KCNH1: variants seen among roughly 807,000 people sequenced by gnomAD.
The protein encoded by KCNH1 is potassium voltage-gated channel subfamily H member 1, also known as voltage-gated delayed rectifier potassium channel KCNH1.
KCNH1 carries 27 observed loss-of-function variants against 69.2 expected under a neutral mutation model. That is an observed-to-expected ratio of 0.39 (90% CI 0.29 to 0.54). KCNH1 has a LOEUF of 0.54. Ranked by LOEUF, KCNH1 falls within the 20% of genes least tolerant of loss-of-function variation. The pLI, the probability that KCNH1 is intolerant of heterozygous loss-of-function variation, is 0.68. For synonymous variants in KCNH1, 456 were observed against 487.7 expected (o/e 0.93, Z 0.86); for missense variants, 798 against 1,261.6 (o/e 0.63, Z 5.57).
chr1:210,876,751 T>C (rs919877926), intron 7 of KCNH1, among the ~76,000 whole-genome samples: 1 of 152,004 alleles, frequency 6.6e-6, no homozygotes, highest in Admixed American at 6.5e-5. Flanking sequence ...AAGCGATGAG[T>C]AGCACAAAGC....
chr1:210,988,683 G>C (rs1688888571), intron 6 of KCNH1, among the ~76,000 whole-genome samples: 1 of 152,212 alleles, frequency 6.6e-6, no homozygotes, highest in East Asian at 1.9e-4. Flanking sequence ...TGGATTATGT[G>C]AGAACAGAAG....
intron 10 of KCNH1, among the ~76,000 whole-genome samples, chr1:210,754,890 A>G (rs1362033392): frequency 6.6e-6 from 1 of 152,050 alleles, no homozygotes; most frequent in East Asian, 1.9e-4. Flanking sequence ...AGACACATAC[A>G]AAGACACACA....
chr1:210,933,651 A>G (rs1687724132), intron 6 of KCNH1, among the ~76,000 whole-genome samples: 1 of 152,148 alleles, frequency 6.6e-6, no homozygotes, highest in Admixed American at 6.5e-5. Context: ...TAAACCAACT[A>G]GGAAAAAGAG....
At chr1:210,933,280 A>G (rs1002474043) in intron 6 of KCNH1, among the ~76,000 whole-genome samples, 1 of 151,658 alleles carries the variant, frequency 6.6e-6, no homozygotes, top group Non-Finnish European at 1.5e-5. Flanking sequence ...ACCAAACACC[A>G]CATATTCTCA....
chr1:210,980,566 C>G (rs765873668), intron 6 of KCNH1, among the ~76,000 whole-genome samples: 1 of 152,144 alleles, frequency 6.6e-6, no homozygotes, highest in Non-Finnish European at 1.5e-5. Context: ...ATAGAAATAG[C>G]ATATGCAAAT....
At position 210,940,796 on chromosome 1, in the gene KCNH1, T is replaced by G. The variant is rs1391457267; in HGVS notation, c.1033-20727A>C. On this transcript the variant is annotated intron_variant, in intron 6 of 10. Coordinates refer to ENST00000271751, the MANE Select transcript of KCNH1 (RefSeq NM_172362.3). Reference sequence around the variant, plus strand: ...ATCTCCATCTTCTCAGAATACAAATTTCAGGTTTTCTTCTCCCAAGGAAAT... The same window carrying G: ...ATCTCCATCTTCTCAGAATACAAATGTCAGGTTTTCTTCTCCCAAGGAAAT... 2.6e-5 allele frequency among the ~76,000 whole-genome samples: 4 copies of G among 152,328 alleles called. No individual in the cohort carries two copies. In the East Asian group the frequency reaches 7.7e-4, roughly 29 times the overall value.
At chr1:211,023,455 T>C (rs1254059801) in intron 5 of KCNH1, among the ~76,000 whole-genome samples, 1 of 151,446 alleles carries the variant, frequency 6.6e-6, no homozygotes, top group African/African-American at 2.4e-5. Flanking sequence ...ATGTACCCAA[T>C]AGAATATTAT....
intron 10 of KCNH1, among the ~76,000 whole-genome samples, chr1:210,699,605 G>C (rs1448609540): frequency 6.6e-6 from 1 of 152,192 alleles, no homozygotes; most frequent in Admixed American, 6.5e-5. Flanking sequence ...GAGCTTCACT[G>C]CCCACCACTG....
At chr1:210,963,045 A>C (rs1197640177) in intron 6 of KCNH1, among the ~76,000 whole-genome samples, 1 of 151,556 alleles carries the variant, frequency 6.6e-6, no homozygotes, top group Non-Finnish European at 1.5e-5. Context: ...ACTTTTCTTT[A>C]AAAAAGTATT....
At chr1:211,044,472 A>G (rs59037162) in intron 5 of KCNH1, among the ~76,000 whole-genome samples, 14,257 of 152,224 alleles carry the variant, frequency 0.094, 870 homozygotes, top group African/African-American at 0.17. Context: ...GAGTAAACAG[A>G]CAACCCACAG....
chr1:210,761,376 C>T (rs1332470733), intron 10 of KCNH1, among the ~76,000 whole-genome samples: 2 of 147,460 alleles, frequency 1.4e-5, no homozygotes, highest in Non-Finnish European at 3.0e-5. Context: ...ACAACAGGAA[C>T]AAAATCTCAC....
At chr1:211,047,343 G>A (rs1433634430) in intron 5 of KCNH1, among the ~76,000 whole-genome samples, 1 of 152,190 alleles carries the variant, frequency 6.6e-6, no homozygotes, top group Non-Finnish European at 1.5e-5. Flanking sequence ...ACAAAATAAT[G>A]AAGTAAAAAA....
rs756365509 is a variant in KCNH1, at chr1:210,797,689, C to A, written c.1734G>T (p.Glu578Asp). 1.2e-6 allele frequency: 2 copies of A among 1,614,256 alleles called. No individual in the cohort carries two copies. Among genetic ancestry groups the A allele is most frequent in the Non-Finnish European group, 1.7e-6 (2 of 1,180,046 alleles). ...CVHLNRKVFK[E>D]HPAFRLASDG... is the part of the protein sequence containing the mutation. ...CACTGGCCAGCCGGAAGGCCGGGTG[C>A]TCCTTGAACACCTTGCGGTTCAGGT... Residue 578 changes from glutamate (E) to aspartate (D), a missense_variant, in exon 9 of 11, where the codon GAG becomes GAT. Physicochemically the swap from Glu to Asp is conservative, Grantham distance 45. Transcript: ENST00000271751.
At chr1:210,894,163 G>A (rs557134665) in intron 7 of KCNH1, among the ~76,000 whole-genome samples, 4 of 152,124 alleles carry the variant, frequency 2.6e-5, no homozygotes, top group African/African-American at 9.6e-5. Flanking sequence ...GGACTTTTGG[G>A]GTACTGGATA....
intron 10 of KCNH1, among the ~76,000 whole-genome samples, chr1:210,751,315 C>G (rs1274460976): frequency 6.6e-6 from 1 of 152,130 alleles, no homozygotes; most frequent in African/African-American, 2.4e-5. Context: ...GCTGGGAGGG[C>G]TGTGCAGGGA....
At chr1:210,966,541 A>T (rs1007750694) in intron 6 of KCNH1, among the ~76,000 whole-genome samples, 14 of 152,342 alleles carry the variant, frequency 9.2e-5, no homozygotes, top group African/African-American at 2.9e-4. Flanking sequence ...AGAAAAAGCC[A>T]TCAAAAAGTG....
chr1:210,745,267 A>G (rs1469065233), intron 10 of KCNH1, among the ~76,000 whole-genome samples: 1 of 152,170 alleles, frequency 6.6e-6, no homozygotes, highest in Admixed American at 6.5e-5. Context: ...AGTAAAAGCC[A>G]ATGTAGGGAC....
chr1:210,808,226 G>C (rs1684627599), intron 7 of KCNH1, among the ~76,000 whole-genome samples: 1 of 152,170 alleles, frequency 6.6e-6, no homozygotes, highest in Non-Finnish European at 1.5e-5. Flanking sequence ...AGGAGTCACA[G>C]GAAAAGAGTA....
intron 6 of KCNH1, among the ~76,000 whole-genome samples, chr1:211,000,438 T>C (rs1689151919): frequency 6.6e-6 from 1 of 152,000 alleles, no homozygotes; most frequent in Non-Finnish European, 1.5e-5. Context: ...ATAAAATACC[T>C]GGAATCCAAC....
Sources: allele counts gnomAD v4.1 joint callset (sites outside exome capture counted in the v4.1 genomes callset), GRCh38; gene constraint gnomAD v4.1.1; transcripts MANE v1.5; gene names NCBI Gene and HGNC (gene_info 2026-07-23, HGNC 2026-07-21).